The following LRMDA variants were observed in gnomAD, a reference collection of about 807,000 sequenced individuals.
The protein encoded by LRMDA is leucine-rich melanocyte differentiation-associated protein.
A neutral mutation model predicts 29.8 loss-of-function variants in LRMDA; 18 were observed. That is an observed-to-expected ratio of 0.60 (90% CI 0.42 to 0.90). LRMDA has a LOEUF of 0.90. Ranked by LOEUF, LRMDA falls within the 40% of genes least tolerant of loss-of-function variation. The probability of loss-of-function intolerance (pLI) is 0.00; values close to 1 mark genes in which losing one functional copy is unlikely to be tolerated. For synonymous variants in LRMDA, 125 were observed against 109.4 expected (o/e 1.14, Z -0.89); for missense variants, 273 against 273.9 (o/e 1.00, Z 0.02).
chr10:75,439,023 A>G (rs1413387704), intron 2 of LRMDA, among the ~76,000 whole-genome samples: 2 of 152,202 alleles, frequency 1.3e-5, no homozygotes, highest in Non-Finnish European at 2.9e-5. Context: ...TTTCAAAGCA[A>G]TTTAAATACT....
rs188351586 is a variant in LRMDA, at chr10:76,346,707, C to T, written c.601+22222C>T. Among the ~76,000 whole-genome samples the T allele has an allele frequency of 1.2e-3, 177 of 152,276 alleles. 1 individual carries two copies. The highest frequency in any genetic ancestry group is 0.011 in the Admixed American group (172 of 15,290). On this transcript the variant is annotated intron_variant, in intron 6 of 6. Coordinates refer to ENST00000611255, the MANE Select transcript of LRMDA (RefSeq NM_001305581.2). ...TGATCTCATTTAATCCGGGAAACAT[C>T]TCATAAAGTTGGATATTATCCCCAT...
chr10:76,141,022 G>A (rs1436919345), intron 5 of LRMDA, among the ~76,000 whole-genome samples: 1 of 152,060 alleles, frequency 6.6e-6, no homozygotes, highest in African/African-American at 2.4e-5. Context: ...GAAGAGGGCA[G>A]TATTTAAGCT....
intron 2 of LRMDA, among the ~76,000 whole-genome samples, chr10:75,492,449 T>G (rs1045761374): frequency 2.6e-5 from 4 of 152,224 alleles, no homozygotes; most frequent in African/African-American, 9.6e-5. Context: ...AATAAATTGA[T>G]TCACATTTCC....
rs2132286757 is a variant in LRMDA at position 75,826,787 on chromosome 10, C to G, written c.132-209221C>G. Among the ~76,000 whole-genome samples, 3 of 152,158 alleles carry G rather than the reference C, an allele frequency of 2.0e-5. No homozygotes were observed. The Middle Eastern group carries it at 0.01, about 518-fold the overall frequency. ...TTGACATGACTATAATTTTTAGACT[C>G]TCAAGAATTTTATTCTGATGTTTTG... On this transcript the variant is annotated intron_variant, in intron 2 of 6. Transcript: ENST00000611255.
At chr10:75,998,773 A>G (rs1054683817) in intron 2 of LRMDA, among the ~76,000 whole-genome samples, 1 of 152,158 alleles carries the variant, frequency 6.6e-6, no homozygotes, top group African/African-American at 2.4e-5. Flanking sequence ...GAATGGCAAA[A>G]CACTTGTGGT....
At chr10:76,404,423 C>T (rs982218863) in intron 6 of LRMDA, among the ~76,000 whole-genome samples, 15 of 152,162 alleles carry the variant, frequency 9.9e-5, no homozygotes, top group African/African-American at 3.4e-4. Flanking sequence ...AATGTGCTTA[C>T]TTGATGGCTG....
intron 6 of LRMDA, among the ~76,000 whole-genome samples, chr10:76,453,164 G>A (rs184208198): frequency 6.6e-6 from 1 of 152,224 alleles, no homozygotes; most frequent in African/African-American, 2.4e-5. Context: ...GCAGGGCACA[G>A]TTCCATAAAG....
intron 2 of LRMDA, among the ~76,000 whole-genome samples, chr10:75,686,182 T>G (rs2132156626): frequency 6.6e-6 from 1 of 152,186 alleles, no homozygotes; most frequent in Admixed American, 6.5e-5. Context: ...CCACTGGGGA[T>G]GGAGGGCAGG....
intron 2 of LRMDA, among the ~76,000 whole-genome samples, chr10:75,921,313 C>T (rs1262011966): frequency 1.3e-5 from 2 of 152,200 alleles, no homozygotes; most frequent in East Asian, 3.8e-4. Flanking sequence ...AGGACTTCCA[C>T]TCTGCTGATG....
chr10:76,224,787 A>G (rs1307090967), intron 5 of LRMDA, among the ~76,000 whole-genome samples: 3 of 151,512 alleles, frequency 2.0e-5, no homozygotes, highest in Non-Finnish European at 4.4e-5. Context: ...TGATCTAGGA[A>G]GAATTAACTA....
intron 2 of LRMDA, among the ~76,000 whole-genome samples, chr10:75,514,749 C>T (rs1845270689): frequency 6.6e-6 from 1 of 152,180 alleles, no homozygotes; most frequent in South Asian, 2.1e-4. Context: ...GCCCAAGACC[C>T]TCACCAGATA....
At chr10:75,584,316 T>TC (rs1350267197) in intron 2 of LRMDA, among the ~76,000 whole-genome samples, 1 of 152,006 alleles carries the variant, frequency 6.6e-6, no homozygotes, top group Non-Finnish European at 1.5e-5. Context: ...TTATTCTACC[T>TC]CCCCCCTAGA....
chr10:75,626,858 A>G (rs1399304541), intron 2 of LRMDA, among the ~76,000 whole-genome samples: 2 of 152,218 alleles, frequency 1.3e-5, no homozygotes, highest in African/African-American at 2.4e-5. Flanking sequence ...TGTTGGTGAC[A>G]GCATCCCTGT....
intron 6 of LRMDA, among the ~76,000 whole-genome samples, chr10:76,487,566 T>C (rs1489100911): frequency 1.3e-5 from 2 of 152,008 alleles, no homozygotes; most frequent in East Asian, 3.9e-4. Flanking sequence ...GATTTGAGTA[T>C]GGGGATTTGA....
intron 5 of LRMDA, among the ~76,000 whole-genome samples, chr10:76,145,670 A>G (rs4564271): frequency 9.3e-5 from 14 of 150,946 alleles, no homozygotes; most frequent in African/African-American, 3.2e-4. Flanking sequence ...TTTTGAAGGT[A>G]TTTTTGTGTC....
intron 2 of LRMDA, among the ~76,000 whole-genome samples, chr10:75,942,533 T>A (rs546498337): frequency 1.3e-5 from 2 of 152,248 alleles, no homozygotes; most frequent in South Asian, 4.2e-4. Context: ...TAAGGGCAGG[T>A]AGAAATCCAC....
chr10:75,682,549 A>G (rs893727755), intron 2 of LRMDA, among the ~76,000 whole-genome samples: 2 of 152,174 alleles, frequency 1.3e-5, no homozygotes, highest in Non-Finnish European at 2.9e-5. Flanking sequence ...TGTATTATAT[A>G]GTATATGTAC....
At chr10:75,870,622 C>T (rs1053997997) in intron 2 of LRMDA, among the ~76,000 whole-genome samples, 1 of 152,208 alleles carries the variant, frequency 6.6e-6, no homozygotes, top group African/African-American at 2.4e-5. Context: ...ATCCTCTCTG[C>T]AGCACCTCCC....
At position 76,550,731 on chromosome 10, in the gene LRMDA, G is replaced by A. The variant is rs556956151; in HGVS notation, c.602-6478G>A. ...CCAACCTAAGGCATCTCAGATGTGCGGCAGATGAAGGGAAAATATACTGGG... is the reference window on the plus strand; with the variant it reads ...CCAACCTAAGGCATCTCAGATGTGCAGCAGATGAAGGGAAAATATACTGGG... On this transcript the variant is annotated intron_variant, in intron 6 of 6. Coordinates refer to ENST00000611255, the MANE Select transcript of LRMDA (RefSeq NM_001305581.2). 6.8e-4 allele frequency among the ~76,000 whole-genome samples: 103 copies of A among 152,102 alleles called. 2 individuals carry two copies. In the South Asian group the frequency reaches 0.015, roughly 22 times the overall value.
Sources: gnomAD v4.1 joint callset for allele counts (sites outside exome capture counted in the v4.1 genomes callset) on GRCh38, gnomAD v4.1.1 for gene constraint, MANE v1.5 for transcripts, NCBI Gene and HGNC (gene_info 2026-07-23, HGNC 2026-07-21) for gene names.